The following CFHR5 variants were observed in gnomAD, a reference collection of about 807,000 sequenced individuals.
CFHR5 encodes the protein complement factor H-related protein 5.
CFHR5 carries 73 observed loss-of-function variants against 62.9 expected under a neutral mutation model. The ratio of observed to expected loss-of-function variants is 1.16; its 90% CI spans 0.96 to 1.41. The LOEUF is 1.41. CFHR5 is among the 40% of genes most tolerant of loss of function. CFHR5 has a pLI of 0.00. For missense variants in CFHR5, 779 were observed against 679.9 expected (o/e 1.15, Z -1.62); for synonymous variants, 249 against 227.2 (o/e 1.10, Z -0.86).
At position 196,977,703 on chromosome 1, in the gene CFHR5, A is replaced by T; in HGVS notation, c.39A>T (p.Val13=). 1 of 1,613,038 alleles carries T rather than the reference A, an allele frequency of 6.2e-7. No individual in the cohort carries two copies. The highest frequency in any genetic ancestry group is 8.5e-7 in the Non-Finnish European group (1 of 1,179,120). ...LLFSVILISW[V]STVGGEGTLC... is the part of the protein sequence containing the mutation. ...TCAGTGTAATCCTAATCTCATGGGTATCCACTGTTGGGGGAGAAGGTAAGT... is the reference window on the plus strand; with the variant it reads ...TCAGTGTAATCCTAATCTCATGGGTTTCCACTGTTGGGGGAGAAGGTAAGT... Residue 13 remains valine, a synonymous_variant, in exon 1 of 10, where the codon GTA becomes GTT. Transcript: ENST00000256785.
chr1:196,984,266 C>G (rs761690510), intron 3 of CFHR5, 129 bp downstream of exon 3: 5 of 816,668 alleles, frequency 6.1e-6, no homozygotes, highest in Non-Finnish European at 7.9e-6. Flanking sequence ...ATTTTCGGTT[C>G]CAATTGTGTC....
At chr1:197,005,403 A>G (rs1654260711) in intron 9 of CFHR5, among the ~76,000 whole-genome samples, 1 of 152,108 alleles carries the variant, frequency 6.6e-6, no homozygotes, top group African/African-American at 2.4e-5. Flanking sequence ...TTTTTCTACT[A>G]CAAAATAATG....
intron 3 of CFHR5, among the ~76,000 whole-genome samples, chr1:196,993,040 GATT>G (rs561393722): frequency 1.4e-3 from 219 of 151,978 alleles, no homozygotes; most frequent in Non-Finnish European, 6.6e-4. Context: ...ATTAATGAAA[GATT>G]ATTAAATGAG....
intron 3 of CFHR5, among the ~76,000 whole-genome samples, chr1:196,992,883 G>T (rs1571519903): frequency 6.6e-6 from 1 of 152,084 alleles, no homozygotes; most frequent in Non-Finnish European, 1.5e-5. Context: ...TATAAAACTA[G>T]CTAGTTTGAA....
Position 196,999,666 on chromosome 1 carries a change from A to G in CFHR5, c.1147+1362A>G, listed in dbSNP as rs1654080016. Among the ~76,000 whole-genome samples, 4 of 143,068 alleles carry G rather than the reference A, an allele frequency of 2.8e-5. No homozygotes were observed. In the South Asian group the frequency reaches 6.5e-4, roughly 23 times the overall value. 93.9% of individuals were successfully genotyped at this position (143,068 alleles called of 152,430 possible). A position where few individuals can be genotyped will look rare whatever the true frequency, so the allele number is the denominator to read the frequency against. On this transcript the variant is annotated intron_variant, in intron 7 of 9. Transcript: ENST00000256785. ...ATGTGGCATTCATAGTCTTAAACTT[A>G]TCTATTTTGGGAAAAAGTATATATA...
At chr1:196,982,689 G>T (rs984024513) in intron 1 of CFHR5, among the ~76,000 whole-genome samples, 196 bp from the exon 2 acceptor site, 9 of 149,298 alleles carry the variant, frequency 6.0e-5, no homozygotes, top group African/African-American at 2.3e-4. Flanking sequence ...AAAAAAAAAA[G>T]ATCTCCTCAA....
intron 4 of CFHR5, among the ~76,000 whole-genome samples, chr1:196,995,109 G>A (rs1156952576): frequency 6.6e-6 from 1 of 152,044 alleles, no homozygotes; most frequent in Admixed American, 6.6e-5. Flanking sequence ...ACTATACATT[G>A]CATATGTATA....
intron 7 of CFHR5, among the ~76,000 whole-genome samples, chr1:196,999,722 T>TATATAC (rs1164729053): frequency 1.4e-3 from 167 of 116,064 alleles, no homozygotes; most frequent in African/African-American, 5.3e-3. Flanking sequence ...TATATATATA[T>TATATAC]ACACACACAC....
At chr1:196,998,703 G>A (rs749464366) in intron 7 of CFHR5, among the ~76,000 whole-genome samples, 6 of 151,988 alleles carry the variant, frequency 3.9e-5, no homozygotes, top group Non-Finnish European at 8.8e-5. Flanking sequence ...AGTAGGCTGA[G>A]AAAGAAAATA....
chr1:197,007,249 T>G (rs541188392), intron 9 of CFHR5, among the ~76,000 whole-genome samples: 1 of 151,568 alleles, frequency 6.6e-6, no homozygotes, highest in Non-Finnish European at 1.5e-5. Context: ...ATTAGAGTCT[T>G]GACTAGTAGG....
At chr1:197,004,611 AT>A (rs747648586) in intron 8 of CFHR5, 49 bp from the exon 9 acceptor site, 15 of 1,387,154 alleles carry the variant, frequency 1.1e-5, no homozygotes, top group Non-Finnish European at 1.5e-5. Context: ...TCATTATATT[AT>A]TTTGTTTAAA....
chr1:196,975,109 A>G (rs1263249905), upstream of CFHR5, among the ~76,000 whole-genome samples: 1 of 152,180 alleles, frequency 6.6e-6, no homozygotes, highest in Non-Finnish European at 1.5e-5. Context: ...AGACCATGTG[A>G]AGCAGGTATT....
intron 7 of CFHR5, among the ~76,000 whole-genome samples, chr1:197,001,460 C>G (rs1194020201): frequency 6.6e-6 from 1 of 151,790 alleles, no homozygotes; most frequent in East Asian, 1.9e-4. Context: ...TAGATATGCA[C>G]TCTTCTGTCT....
intron 9 of CFHR5, among the ~76,000 whole-genome samples, chr1:197,007,337 G>T (rs1036652763): frequency 6.6e-6 from 1 of 151,996 alleles, no homozygotes; most frequent in Non-Finnish European, 1.5e-5. Context: ...ATTCTCAGGT[G>T]CTTAACACAT....
chr1:196,977,698 T>C lies in CFHR5; in HGVS notation c.34T>C (p.Trp12Arg). ...LLLFSVILIS[W>R]VSTVGGEGTL... is the part of the protein sequence containing the mutation. The stretch of plus-strand genomic sequence containing the variant: ...CTTATTCAGTGTAATCCTAATCTCA[T>C]GGGTATCCACTGTTGGGGGAGAAGG... The change falls in exon 1 of 10, where the codon TGG (tryptophan) becomes CGG (arginine). Residue 12 changes from tryptophan (W) to arginine (R), a missense_variant. Trp to Arg is a moderately radical substitution (Grantham distance 101). Coordinates refer to ENST00000256785, the MANE Select transcript of CFHR5 (RefSeq NM_030787.4). 1 of 1,613,150 alleles carries C rather than the reference T, an allele frequency of 6.2e-7. No individual in the cohort carries two copies. Among genetic ancestry groups the C allele is most frequent in the Non-Finnish European group, 8.5e-7 (1 of 1,179,238 alleles).
chr1:196,984,134 A>C lies in CFHR5; in HGVS notation c.427A>C (p.Thr143Pro), dbSNP rs138529008. The C allele has an allele frequency of 4.5e-5, 72 of 1,612,560 alleles. No individual in the cohort carries two copies. The African/African-American group carries it at 8.5e-4, about 19-fold the overall frequency. Residue 143 changes from threonine (T) to proline (P), a missense_variant, in exon 3 of 10, where the codon ACT (threonine) becomes CCT (proline). By Grantham distance (38) the Thr-to-Pro change is conservative. Coordinates refer to ENST00000256785, the MANE Select transcript of CFHR5 (RefSeq NM_030787.4). ...GTCCACTCCTCCCATATGCAGCTTC[A>C]CTAGTAAGCAAAATACCACTCTCTC... ...GWSTPPICSF[T>P]KGECHVPILE...
chr1:197,002,703 G>C (rs1233706950), intron 8 of CFHR5, 39 bp downstream of exon 8: 2 of 1,509,176 alleles, frequency 1.3e-6, no homozygotes, highest in Non-Finnish European at 1.8e-6. Flanking sequence ...CTTAAAAAGA[G>C]GTTATTAATC....
intron 7 of CFHR5, 57 bp from the exon 8 acceptor site, chr1:197,002,425 T>G: frequency 7.6e-7 from 1 of 1,314,306 alleles, no homozygotes; most frequent in Non-Finnish European, 1.1e-6. Flanking sequence ...ACTACCCTAT[T>G]GAGCTGTTTT....
chr1:196,977,058 C>T (rs1331442728), upstream of CFHR5, among the ~76,000 whole-genome samples: 3 of 151,878 alleles, frequency 2.0e-5, no homozygotes, highest in Non-Finnish European at 2.9e-5. Context: ...CCACCCGCCT[C>T]GGCCTCCCAA....
Sources: gnomAD v4.1 joint callset for allele counts (sites outside exome capture counted in the v4.1 genomes callset) on GRCh38, gnomAD v4.1.1 for gene constraint, MANE v1.5 for transcripts, NCBI Gene and HGNC (gene_info 2026-07-23, HGNC 2026-07-21) for gene names.